The following ARHGEF12 variants were observed in gnomAD, a reference collection of about 807,000 sequenced individuals.
ARHGEF12 encodes the protein Rho guanine nucleotide exchange factor 12, also known as KMT2A/ARHGEF12 fusion protein.
ARHGEF12 carries 66 observed loss-of-function variants against 211.2 expected under a neutral mutation model. The ratio of observed to expected loss-of-function variants is 0.31; its 90% CI spans 0.26 to 0.38. The LOEUF is 0.38. ARHGEF12 is among the 10% of genes least tolerant of loss of function. The pLI is 1.00. For missense variants in ARHGEF12, 1,429 were observed against 1,869.5 expected, an observed-to-expected ratio of 0.76 and a Z score of 4.34; for synonymous variants, 592 against 638.4, an observed-to-expected ratio of 0.93 and a Z score of 1.09.
intron 21 of ARHGEF12, 35 bp from the exon 22 acceptor site, chr11:120,451,477 G>A (rs773117484): frequency 6.8e-5 from 109 of 1,605,254 alleles, no homozygotes; most frequent in Middle Eastern, 2.0e-4. Flanking sequence ...GCACCCAGCC[G>A]CAATACAGAT....
At chr11:120,456,962 T>A (rs1946381410) in intron 22 of ARHGEF12, 156 bp from the exon 23 acceptor site, 1 of 608,300 alleles carries the variant, frequency 1.6e-6, no homozygotes, top group African/African-American at 1.9e-5. Context: ...GCCATAATTT[T>A]GTATATTAAA....
chr11:120,447,298 G>T, intron 18 of ARHGEF12: 2 of 456,910 alleles, frequency 4.4e-6, no homozygotes. Flanking sequence ...GTGGTAAATG[G>T]GTAACTCTAA....
chr11:120,438,660 T>C (rs193071384), intron 12 of ARHGEF12: 1 of 152,308 alleles, frequency 6.6e-6, no homozygotes, highest in East Asian at 1.9e-4. Context: ...CAAATGACTC[T>C]CAAATCATAG....
At chr11:120,441,041 A>G (rs150104181) in intron 13 of ARHGEF12, among the ~76,000 whole-genome samples, 7 of 152,290 alleles carry the variant, frequency 4.6e-5, no homozygotes, top group Admixed American at 3.9e-4. Flanking sequence ...TCAGTTGGTC[A>G]TGATATGTTA....
chr11:120,373,870 C>T (rs554517165), intron 1 of ARHGEF12, among the ~76,000 whole-genome samples: 54 of 152,256 alleles, frequency 3.5e-4, no homozygotes, highest in South Asian at 1.5e-3. Flanking sequence ...TGCAATGGCG[C>T]GATCTCGGCT....
intron 1 of ARHGEF12, among the ~76,000 whole-genome samples, chr11:120,403,246 C>T (rs2135556096): frequency 6.6e-6 from 1 of 152,286 alleles, no homozygotes; most frequent in Middle Eastern, 3.4e-3. Flanking sequence ...GCGGCTCACA[C>T]CTGTAATCCC....
intron 1 of ARHGEF12, among the ~76,000 whole-genome samples, chr11:120,339,877 A>G (rs1192382784): frequency 3.3e-5 from 5 of 152,152 alleles, no homozygotes; most frequent in Admixed American, 1.3e-4. Flanking sequence ...AGTTAAATCA[A>G]CACATTAACT....
Position 120,451,703 on chromosome 11 carries a change from G to A in ARHGEF12, c.2035G>A (p.Gly679Arg), listed in dbSNP as rs1372423228. The A allele has an allele frequency of 2.5e-6, 4 of 1,613,776 alleles. No individual in the cohort carries two copies. Among genetic ancestry groups the A allele is most frequent in the Non-Finnish European group, 3.4e-6 (4 of 1,179,884 alleles). The change falls in exon 22 of 41, where the codon GGA (glycine) becomes AGA (arginine). Residue 679 changes from glycine to arginine, a missense_variant. Transcript: ENST00000397843. Reference protein sequence around the residue: ...VASGASFSQEGGKENDTGSKQ... With the variant: ...VASGASFSQERGKENDTGSKQ... The stretch of plus-strand genomic sequence containing the variant: ...TTCAGGGGCCTCTTTTTCCCAGGAA[G>A]GAGGGAAAGAGAATGATACAGGTGA...
intron 12 of ARHGEF12, among the ~76,000 whole-genome samples, chr11:120,437,748 C>T (rs1447115278): frequency 6.6e-6 from 1 of 152,146 alleles, no homozygotes; most frequent in Non-Finnish European, 1.5e-5. Context: ...TTCCCCCTAG[C>T]CCCTGGCAGC....
intron 40 of ARHGEF12, among the ~76,000 whole-genome samples, 192 bp from the exon 41 acceptor site, chr11:120,484,875 G>T (rs1196718876): frequency 6.6e-6 from 1 of 152,202 alleles, no homozygotes; most frequent in African/African-American, 2.4e-5. Flanking sequence ...ACTTGCCTCT[G>T]CTGACAGTGT....
At chr11:120,357,971 G>T (rs1278575765) in intron 1 of ARHGEF12, among the ~76,000 whole-genome samples, 5 of 152,174 alleles carry the variant, frequency 3.3e-5, no homozygotes, top group African/African-American at 1.2e-4. Context: ...TGATGGATGG[G>T]CACAGCAGTT....
In ARHGEF12 at chr11:120,336,488, C is replaced by G. The variant is rs947359539; in HGVS notation, c.-756C>G. On this transcript the variant is annotated 5_prime_UTR_variant, in exon 1 of 41. Coordinates refer to ENST00000397843, the MANE Select transcript of ARHGEF12 (RefSeq NM_015313.3). Reference sequence around the variant, plus strand: ...CCGGACCAGGGCTTCCAGGCCGGGCCGGACGGGCATCTCCCGCCCCTCGCG... The same window carrying G: ...CCGGACCAGGGCTTCCAGGCCGGGCGGGACGGGCATCTCCCGCCCCTCGCG... Among the ~76,000 whole-genome samples, 3 of 151,840 alleles carry G rather than the reference C, an allele frequency of 2.0e-5. No homozygotes were observed. Among genetic ancestry groups the G allele is most frequent in the African/African-American group, 2.4e-5 (1 of 41,388 alleles).
chr11:120,356,540 A>G (rs1188273817), intron 1 of ARHGEF12, among the ~76,000 whole-genome samples: 1 of 152,100 alleles, frequency 6.6e-6, no homozygotes, highest in East Asian at 1.9e-4. Context: ...TTTTGCATGT[A>G]CACTTTGTCT....
intron 4 of ARHGEF12, among the ~76,000 whole-genome samples, chr11:120,420,195 C>T (rs1029145345): frequency 3.9e-5 from 6 of 152,150 alleles, no homozygotes; most frequent in Non-Finnish European, 8.8e-5. Flanking sequence ...CCCCTGAACT[C>T]TTCCTTTCTC....
rs180858700 is a variant in ARHGEF12 at position 120,484,671 on chromosome 11, G to T, written c.4624+164G>T. Among the ~76,000 whole-genome samples the T allele has an allele frequency of 8.5e-4, 130 of 152,318 alleles. 1 individual carries two copies. In the East Asian group the frequency reaches 0.017, roughly 20 times the overall value. On this transcript the variant is annotated intron_variant, in intron 40 of 40. Transcript: ENST00000397843. ...AGATATCAAGCGGAAGCTCATGCCT[G>T]CTGACTCTACTCTTCTCTAAGAGGA...
intron 1 of ARHGEF12, among the ~76,000 whole-genome samples, chr11:120,382,677 T>A (rs1045655160): frequency 9.2e-5 from 14 of 152,252 alleles, no homozygotes; most frequent in African/African-American, 2.7e-4. Flanking sequence ...TCATTCATTC[T>A]ATTTCTCTCT....
In ARHGEF12 at chr11:120,457,165, G is replaced by T; in HGVS notation, c.2104G>T (p.Gly702Cys). Residue 702 changes from glycine (G) to cysteine (C), a missense_variant, in exon 23 of 41, where the codon GGC becomes TGC. Coordinates refer to ENST00000397843, the MANE Select transcript of ARHGEF12 (RefSeq NM_015313.3). Reference protein sequence around the residue: ...ETSAPGDTLDGTPRTLNTVFD... With the variant: ...ETSAPGDTLDCTPRTLNTVFD... ...ATCAGCACCTGGAGACACCTTAGATGGCACACCTCGTACTCTCAATACTGT... is the reference window on the plus strand; with the variant it reads ...ATCAGCACCTGGAGACACCTTAGATTGCACACCTCGTACTCTCAATACTGT... The T allele has an allele frequency of 6.2e-7, 1 of 1,613,968 alleles. No individual in the cohort carries two copies. The highest frequency in any genetic ancestry group is 1.1e-5 in the South Asian group (1 of 91,070).
intron 1 of ARHGEF12, among the ~76,000 whole-genome samples, chr11:120,360,002 A>G (rs1433647556): frequency 6.6e-6 from 1 of 152,232 alleles, no homozygotes; most frequent in Non-Finnish European, 1.5e-5. Context: ...GTCTCTAATA[A>G]CACGTAATAC....
At chr11:120,353,906 C>G (rs556458545) in intron 1 of ARHGEF12, among the ~76,000 whole-genome samples, 17 of 152,226 alleles carry the variant, frequency 1.1e-4, no homozygotes, top group Admixed American at 1.0e-3. Flanking sequence ...AAGGAAAAGC[C>G]CATTGGGAAT....
Sources: allele counts gnomAD v4.1 joint callset (sites outside exome capture counted in the v4.1 genomes callset), GRCh38; gene constraint gnomAD v4.1.1; transcripts MANE v1.5; gene names NCBI Gene and HGNC (gene_info 2026-07-23, HGNC 2026-07-21).